Variants in ZFR2 observed in about 807,000 individuals in gnomAD.
ZFR2 encodes zinc finger RNA binding protein 2.
In ZFR2, 104 loss-of-function variants were observed where a neutral mutation model predicts 105.7. That is an observed-to-expected ratio of 0.98 (90% CI 0.84 to 1.16). The LOEUF (loss-of-function observed/expected upper bound fraction) is 1.16, where lower values mean the gene tolerates loss of function less well. ZFR2 is among the 50% of genes most tolerant of loss of function. ZFR2 has a pLI of 0.00. For missense variants in ZFR2, 1,425 were observed against 1,355.5 expected (o/e 1.05, Z -0.80); for synonymous variants, 634 against 597.7 (o/e 1.06, Z -0.89).
chr19:3,819,305 A>AGGTGGGCC, intron 11 of ZFR2, 70 bp from the exon 12 acceptor site: 5 of 1,406,188 alleles, frequency 3.6e-6, no homozygotes, highest in Non-Finnish European at 4.6e-6. Flanking sequence ...GCAGGCGGGC[A>AGGTGGGCC]GGTGGGGGCA....
chr19:3,864,730 CTT>C lies in ZFR2; in HGVS notation c.53+4233_53+4234del, dbSNP rs914276036. On this transcript the variant is annotated intron_variant, in intron 1 of 18. Coordinates refer to ENST00000262961, the MANE Select transcript of ZFR2 (RefSeq NM_015174.2). ...TGCTAATCTTTCTTTTCTTTTCTCT[CTT>C]CTCTTCTCTTTTCTTTTTTTCTCTC... Among the ~76,000 whole-genome samples the C allele has an allele frequency of 1.6e-4, 24 of 152,004 alleles. No individual in the cohort carries two copies. In the East Asian group the frequency reaches 4.2e-3, roughly 27 times the overall value.
chr19:3,809,287 C>G (rs1208700737), intron 16 of ZFR2, among the ~76,000 whole-genome samples: 2 of 152,240 alleles, frequency 1.3e-5, no homozygotes, highest in African/African-American at 4.8e-5. Context: ...ATTCTCCTGC[C>G]TCAGCCTCCC....
rs866133667 is a variant in ZFR2 at position 3,808,926 on chromosome 19, C to G, written c.2491G>C (p.Gly831Arg). 1 of 1,572,776 alleles carries G rather than the reference C, an allele frequency of 6.4e-7. No individual in the cohort carries two copies. ...TCCAGGACTCGCCTGACTGCATCCC[C>G]GGGGCCCAGGGGCCCAGCCGCACTG... ...VSSAAGPLGPGDAVRRVLECV... is the reference protein window; with the variant it reads ...VSSAAGPLGPRDAVRRVLECV... Residue 831 changes from glycine to arginine, a missense_variant, in exon 17 of 19, where the codon GGG (glycine) becomes CGG (arginine). Physicochemically the swap from Gly to Arg is moderately radical, Grantham distance 125. Transcript: ENST00000262961.
chr19:3,838,215 G>A lies in ZFR2; in HGVS notation c.54-3232C>T, dbSNP rs936122134. On this transcript the variant is annotated intron_variant, in intron 1 of 18. Coordinates refer to ENST00000262961, the MANE Select transcript of ZFR2 (RefSeq NM_015174.2). This position sits in a 1 kb window ranked among gnomAD's most constrained non-coding sequence, Gnocchi z 4.9. ...CGATGAACATCCCGACAATACATTCGATGAACACCGTGACTACTGACATTT... is the reference window on the plus strand; with the variant it reads ...CGATGAACATCCCGACAATACATTCAATGAACACCGTGACTACTGACATTT... Among the ~76,000 whole-genome samples, 11 of 151,934 alleles carry A rather than the reference G, an allele frequency of 7.2e-5. No homozygotes were observed. Among genetic ancestry groups the A allele is most frequent in the African/African-American group, 2.4e-4 (10 of 41,346 alleles).
Position 3,831,800 on chromosome 19 carries a change from A to T in ZFR2, c.458T>A (p.Val153Glu). 2 of 1,609,816 alleles carry T rather than the reference A, an allele frequency of 1.2e-6. No homozygotes were observed. The highest frequency in any genetic ancestry group is 1.7e-6 in the Non-Finnish European group (2 of 1,179,408). Residue 153 changes from valine (V) to glutamate (E), a missense_variant, in exon 4 of 19, where the codon GTG becomes GAG. Val to Glu is a moderately radical substitution (Grantham distance 121, BLOSUM62 -2). Coordinates refer to ENST00000262961, the MANE Select transcript of ZFR2 (RefSeq NM_015174.2). ...HAQPPQQAPI[V>E]ESGQPASTLS... ...GGTGCTCGCTGGCTGTCCGGACTCC[A>T]CTATGGGCGCCTGCTGTGGGGGCTG...
At chr19:3,832,270 G>C (rs544149468) in intron 3 of ZFR2, among the ~76,000 whole-genome samples, 6 of 151,994 alleles carry the variant, frequency 3.9e-5, no homozygotes, top group African/African-American at 1.2e-4. Flanking sequence ...GCCCATCTGA[G>C]CAGCCAGCTC....
intron 5 of ZFR2, among the ~76,000 whole-genome samples, 153 bp from the exon 6 acceptor site, chr19:3,827,806 A>G (rs2145154793): frequency 6.6e-6 from 1 of 152,212 alleles, no homozygotes; most frequent in Non-Finnish European, 1.5e-5. Context: ...TGGAGGTTCC[A>G]GTGTCCCTTT....
intron 10 of ZFR2, 25 bp downstream of exon 10, chr19:3,821,315 C>T (rs2037889326): frequency 1.9e-6 from 3 of 1,553,252 alleles, no homozygotes; most frequent in African/African-American, 1.4e-5. Context: ...ACCAGGCCCC[C>T]TTGCCAAGAC....
At chr19:3,841,022 T>C (rs2038128023) in intron 1 of ZFR2, among the ~76,000 whole-genome samples, 1 of 152,208 alleles carries the variant, frequency 6.6e-6, no homozygotes, top group Non-Finnish European at 1.5e-5. Context: ...AAGCACATGG[T>C]GACTCGGTGC....
rs762690709 is a variant in ZFR2, at chr19:3,819,078, C to T, written c.1898G>A (p.Arg633Gln). The T allele has an allele frequency of 1.6e-5, 25 of 1,612,154 alleles. No homozygotes were observed. Among genetic ancestry groups the T allele is most frequent in the African/African-American group, 2.7e-5 (2 of 74,922 alleles). ...LVSDTLAEEDRGRREEEGDKR... is the reference protein window; with the variant it reads ...LVSDTLAEEDQGRREEEGDKR... ...GTCACCCTCTTCCTCTCGGCGGCCC[C>T]GGTCCTCCTCGGCCAGTGTGTCGGA... Residue 633 changes from arginine (R) to glutamine (Q), a missense_variant, in exon 12 of 19, where the codon CGG becomes CAG. Physicochemically the swap from Arg to Gln is conservative, Grantham distance 43. Transcript: ENST00000262961.
At chr19:3,806,912 C>A (rs1025469747) in intron 18 of ZFR2, among the ~76,000 whole-genome samples, 8 of 152,322 alleles carry the variant, frequency 5.3e-5, no homozygotes, top group African/African-American at 1.2e-4. Flanking sequence ...TGGGGGAGGA[C>A]GGTCCCTGCC....
At chr19:3,854,554 C>T (rs1022069823) in intron 1 of ZFR2, among the ~76,000 whole-genome samples, 2 of 152,162 alleles carry the variant, frequency 1.3e-5, no homozygotes, top group African/African-American at 4.8e-5. Flanking sequence ...TTATTCCAAA[C>T]ATGGTCAGAG....
chr19:3,851,506 A>G (rs2038237747), intron 1 of ZFR2, among the ~76,000 whole-genome samples: 1 of 152,200 alleles, frequency 6.6e-6, no homozygotes, highest in South Asian at 2.1e-4. Flanking sequence ...CATTCCACTA[A>G]GCATGCTTAC....
intron 1 of ZFR2, among the ~76,000 whole-genome samples, chr19:3,856,364 A>C (rs901116430): frequency 1.3e-5 from 2 of 152,164 alleles, no homozygotes; most frequent in African/African-American, 4.8e-5. Flanking sequence ...CCTGCGCTGG[A>C]GTCAGAAACT....
intron 12 of ZFR2, 127 bp downstream of exon 12, chr19:3,818,918 A>G: frequency 8.2e-7 from 1 of 1,226,550 alleles, no homozygotes; most frequent in Admixed American, 2.8e-5. Flanking sequence ...TGGGGCTGGA[A>G]AGCTGCCGCG....
At chr19:3,828,367 A>T (rs995899910) in intron 5 of ZFR2, among the ~76,000 whole-genome samples, 2 of 152,170 alleles carry the variant, frequency 1.3e-5, no homozygotes, top group Non-Finnish European at 2.9e-5. Context: ...AGACTGCTAG[A>T]CATAAGGTTT....
intron 9 of ZFR2, among the ~76,000 whole-genome samples, chr19:3,821,707 G>A (rs1338949536): frequency 2.8e-5 from 4 of 141,036 alleles, no homozygotes; most frequent in Admixed American, 7.8e-5. Flanking sequence ...TCCGCCTCCC[G>A]GGTTCAAGCG....
Position 3,831,283 on chromosome 19 carries a change from A to T in ZFR2, c.852+20T>A, listed in dbSNP as rs948423461. 6.7e-7 allele frequency: 1 copy of T among 1,498,018 alleles called. No homozygotes were observed. Among genetic ancestry groups the T allele is most frequent in the East Asian group, 2.4e-5 (1 of 41,088 alleles). The allele number at this position is 1,498,018 out of a possible 1,614,324, so 92.8% of individuals were successfully genotyped here. On this transcript the variant is annotated intron_variant, in intron 5 of 18. Coordinates refer to ENST00000262961, the MANE Select transcript of ZFR2 (RefSeq NM_015174.2). ...ACAGAGAGGTCCCTGGGGCCTGCCC[A>T]TGGCAGGAGGGCGACTGACCTGGGG...
At chr19:3,851,352 G>A (rs1237658413) in intron 1 of ZFR2, among the ~76,000 whole-genome samples, 2 of 152,312 alleles carry the variant, frequency 1.3e-5, no homozygotes, top group Non-Finnish European at 2.9e-5. Context: ...AGTAATATGT[G>A]TTTGGTGACT....
Sources: allele counts gnomAD v4.1 joint callset (sites outside exome capture counted in the v4.1 genomes callset), GRCh38; gene constraint gnomAD v4.1.1; non-coding constraint Gnocchi (gnomAD v3.1); transcripts MANE v1.5; gene names NCBI Gene and HGNC (gene_info 2026-07-23, HGNC 2026-07-21).